TPD52: variants seen among roughly 807,000 people sequenced by gnomAD.
The protein encoded by TPD52 is tumor protein D52.
TPD52 carries 17 observed loss-of-function variants against 31.3 expected under a neutral mutation model. That is an observed-to-expected ratio of 0.54 (90% CI 0.37 to 0.82). The LOEUF is 0.82. Ranked by LOEUF, TPD52 falls within the 40% of genes least tolerant of loss-of-function variation. TPD52 has a pLI of 0.00. For synonymous variants in TPD52, 83 were observed against 89.6 expected (o/e 0.93, Z 0.42); for missense variants, 212 against 240.1 (o/e 0.88, Z 0.77).
In TPD52 at chr8:80,168,441, T is replaced by C. The variant is rs963980169; in HGVS notation, c.19+2984A>G. On this transcript the variant is annotated intron_variant, in intron 1 of 7. Transcript: ENST00000518937. The stretch of plus-strand genomic sequence containing the variant: ...TTTTAAGGGACAAATATAAGAAAAC[T>C]CCATGTACATTAAAAACTATTAAAA... Among the ~76,000 whole-genome samples, 4 of 152,318 alleles carry C rather than the reference T, an allele frequency of 2.6e-5. No homozygotes were observed. The East Asian group carries it at 5.8e-4, about 22-fold the overall frequency.
chr8:80,066,037 C>T (rs1297275148), intron 1 of TPD52, among the ~76,000 whole-genome samples: 3 of 151,388 alleles, frequency 2.0e-5, no homozygotes, highest in Admixed American at 1.3e-4. Context: ...TTCCCTGCTA[C>T]CCCCCAGGAC....
chr8:80,169,077 C>T (rs1353072638), intron 1 of TPD52, among the ~76,000 whole-genome samples: 1 of 152,174 alleles, frequency 6.6e-6, no homozygotes, highest in Non-Finnish European at 1.5e-5. Flanking sequence ...CTCTGCCTCC[C>T]AGTTTCTAGT....
downstream of TPD52, among the ~76,000 whole-genome samples, chr8:80,032,398 C>A (rs1017084890): frequency 6.6e-6 from 1 of 152,192 alleles, no homozygotes; most frequent in Non-Finnish European, 1.5e-5. Context: ...GCTGTAACCA[C>A]TCCTTGCTTT....
chr8:80,053,166 C>T lies in TPD52; in HGVS notation c.284+116G>A, dbSNP rs1586165069. On this transcript the variant is annotated intron_variant, in intron 3 of 7. Coordinates refer to ENST00000518937, the MANE Select transcript of TPD52 (RefSeq NM_001025253.3). ...AAATCAGAAAAAAAGGGTGCCGTGTCGTCCAAAGAAAAGCTGCTGAAGCAT... is the reference window on the plus strand; with the variant it reads ...AAATCAGAAAAAAAGGGTGCCGTGTTGTCCAAAGAAAAGCTGCTGAAGCAT... 1.5e-5 allele frequency: 18 copies of T among 1,180,686 alleles called. 1 individual carries two copies. Among genetic ancestry groups the T allele is most frequent in the East Asian group, 1.3e-4 (5 of 38,552 alleles). The allele number at this position is 1,180,686 out of a possible 1,614,324, so 73.1% of individuals were successfully genotyped here. A position where few individuals can be genotyped will look rare whatever the true frequency, so the allele number is the denominator to read the frequency against.
intron 1 of TPD52, among the ~76,000 whole-genome samples, chr8:80,144,543 G>A (rs76251603): frequency 2.6e-4 from 40 of 152,134 alleles, no homozygotes; most frequent in Non-Finnish European, 4.4e-4. Context: ...GCCCTTCAGC[G>A]CTATGAAAGA....
intron 7 of TPD52, among the ~76,000 whole-genome samples, chr8:80,039,759 C>T (rs941522222): frequency 6.6e-6 from 1 of 150,936 alleles, no homozygotes; most frequent in African/African-American, 2.4e-5. Flanking sequence ...CTCAAAAGGG[C>T]CCTCAAACTT....
chr8:80,091,271 A>G (rs917445910), intron 1 of TPD52, among the ~76,000 whole-genome samples: 1 of 152,122 alleles, frequency 6.6e-6, no homozygotes, highest in African/African-American at 2.4e-5. Flanking sequence ...GATCAAGACC[A>G]TCTTGGCTAA....
intron 5 of TPD52, among the ~76,000 whole-genome samples, chr8:80,044,810 T>C (rs1417506829): frequency 6.6e-6 from 1 of 152,206 alleles, no homozygotes; most frequent in African/African-American, 2.4e-5. Context: ...TTACTATGCT[T>C]ATAATAGTTT....
chr8:80,102,114 C>T (rs1054833217), intron 1 of TPD52, among the ~76,000 whole-genome samples: 1 of 152,206 alleles, frequency 6.6e-6, no homozygotes, highest in African/African-American at 2.4e-5. Flanking sequence ...AACTCAGCAG[C>T]TTAAAACATT....
intron 2 of TPD52, among the ~76,000 whole-genome samples, chr8:80,060,828 G>T (rs1812439952): frequency 6.6e-6 from 1 of 150,594 alleles, no homozygotes. Flanking sequence ...CAACGCAAGT[G>T]CATTTGTGAA....
At chr8:80,056,112 C>T (rs1811849345) in intron 2 of TPD52, among the ~76,000 whole-genome samples, 1 of 152,122 alleles carries the variant, frequency 6.6e-6, no homozygotes, top group Non-Finnish European at 1.5e-5. Context: ...GCACTATTTA[C>T]AATACCCAAG....
intron 1 of TPD52, among the ~76,000 whole-genome samples, chr8:80,119,419 A>G (rs1420023046): frequency 6.6e-6 from 1 of 152,224 alleles, no homozygotes; most frequent in Admixed American, 6.5e-5. Context: ...TCAGAATTAT[A>G]TCTTAAAGAT....
intron 1 of TPD52, among the ~76,000 whole-genome samples, chr8:80,065,844 T>C (rs1458277208): frequency 2.6e-5 from 4 of 152,206 alleles, no homozygotes; most frequent in African/African-American, 9.7e-5. Context: ...GACTAAGCTT[T>C]TTGTCACCCC....
At chr8:80,067,823 A>G (rs1813326183) in intron 1 of TPD52, among the ~76,000 whole-genome samples, 1 of 151,746 alleles carries the variant, frequency 6.6e-6, no homozygotes, top group African/African-American at 2.4e-5. Context: ...CATTAATTCC[A>G]ACTAAAGTTT....
chr8:80,159,421 GAAC>G (rs1811204746), intron 1 of TPD52, among the ~76,000 whole-genome samples: 1 of 152,116 alleles, frequency 6.6e-6, no homozygotes, highest in Admixed American at 6.5e-5. Context: ...CTGTGCTTTT[GAAC>G]AACACCTTTG....
chr8:80,080,666 T>A, intron 1 of TPD52: 1 of 1,285,072 alleles, frequency 7.8e-7, no homozygotes. Context: ...AATAAATGAT[T>A]TATCCTGAGC....
chr8:80,151,412 G>T (rs1387688543), intron 1 of TPD52, among the ~76,000 whole-genome samples: 1 of 152,226 alleles, frequency 6.6e-6, no homozygotes. Context: ...AACAGCCGAA[G>T]TGATTGTTAA....
At chr8:80,047,711 G>A (rs1448484595) in intron 5 of TPD52, among the ~76,000 whole-genome samples, 3 of 152,142 alleles carry the variant, frequency 2.0e-5, no homozygotes, top group Admixed American at 6.6e-5. Context: ...TTTCTGACAC[G>A]AGGAAAGAGA....
intron 1 of TPD52, among the ~76,000 whole-genome samples, chr8:80,156,376 T>A (rs1405421572): frequency 6.6e-6 from 1 of 152,194 alleles, no homozygotes; most frequent in African/African-American, 2.4e-5. Flanking sequence ...AGTCACATGG[T>A]GTCACTTCCG....
Sources: gnomAD v4.1 joint callset for allele counts (sites outside exome capture counted in the v4.1 genomes callset) on GRCh38, gnomAD v4.1.1 for gene constraint, MANE v1.5 for transcripts, NCBI Gene and HGNC (gene_info 2026-07-23, HGNC 2026-07-21) for gene names.